The following NDFIP2 variants were observed in gnomAD, a reference collection of about 807,000 sequenced individuals.
The protein encoded by NDFIP2 is NEDD4 family-interacting protein 2.
A neutral mutation model predicts 36.0 loss-of-function variants in NDFIP2; 19 were observed. The ratio of observed to expected loss-of-function variants is 0.53; its 90% CI spans 0.37 to 0.77. The LOEUF is 0.77. Ranked by LOEUF, NDFIP2 falls within the 30% of genes least tolerant of loss-of-function variation. The probability of loss-of-function intolerance (pLI) is 0.00; values close to 1 mark genes in which losing one functional copy is unlikely to be tolerated. For missense variants in NDFIP2, 446 were observed against 435.8 expected (o/e 1.02, Z -0.21); for synonymous variants, 181 against 167.7 (o/e 1.08, Z -0.61).
chr13:79,541,158 T>C (rs1348090283), intron 4 of NDFIP2, among the ~76,000 whole-genome samples: 1 of 152,018 alleles, frequency 6.6e-6, no homozygotes, highest in South Asian at 2.1e-4. Flanking sequence ...GATCTAAATA[T>C]ATTGTATTAT....
At chr13:79,506,566 A>G (rs528118537) in intron 1 of NDFIP2, among the ~76,000 whole-genome samples, 26 of 152,172 alleles carry the variant, frequency 1.7e-4, no homozygotes, top group Middle Eastern at 3.4e-3. Flanking sequence ...TCCCTAGGGT[A>G]TAGTTTTAAA....
Position 79,550,205 on chromosome 13 carries a change from C to T in NDFIP2, c.908-812C>T, listed in dbSNP as rs538092285. Among the ~76,000 whole-genome samples, 244 of 151,792 alleles carry T rather than the reference C, an allele frequency of 1.6e-3. 1 individual carries two copies. Among genetic ancestry groups the T allele is most frequent in the African/African-American group, 5.6e-3 (234 of 41,496 alleles). On this transcript the variant is annotated intron_variant, in intron 6 of 7. Transcript: ENST00000218652. ...TGCTTAAGTATTTCAAAGGCTTATACTAGTAATGGTAATGTTTTATACTTA... is the reference window on the plus strand; with the variant it reads ...TGCTTAAGTATTTCAAAGGCTTATATTAGTAATGGTAATGTTTTATACTTA...
intron 1 of NDFIP2, among the ~76,000 whole-genome samples, chr13:79,491,422 GTC>G (rs72414954): frequency 0.043 from 6,504 of 152,114 alleles, 482 homozygotes; most frequent in African/African-American, 0.15. Flanking sequence ...GTCTTCCTCT[GTC>G]TCTCTCTCTG....
At chr13:79,512,912 T>C (rs1465586629) in intron 1 of NDFIP2, among the ~76,000 whole-genome samples, 1 of 152,224 alleles carries the variant, frequency 6.6e-6, no homozygotes, top group African/African-American at 2.4e-5. Flanking sequence ...AATTATGGTC[T>C]CCAAGCCACT....
chr13:79,512,462 A>AT (rs1874114671), intron 1 of NDFIP2, among the ~76,000 whole-genome samples: 1 of 151,990 alleles, frequency 6.6e-6, no homozygotes. Flanking sequence ...AAAAAAAAAA[A>AT]GGCTTTATTG....
chr13:79,543,088 G>A (rs1875524861), intron 4 of NDFIP2, among the ~76,000 whole-genome samples: 1 of 152,094 alleles, frequency 6.6e-6, no homozygotes, highest in African/African-American at 2.4e-5. Context: ...TGTTGGCCAG[G>A]CTGGTCTCGA....
chr13:79,520,636 A>G (rs898166154), intron 1 of NDFIP2, among the ~76,000 whole-genome samples, 174 bp from the exon 2 acceptor site: 12 of 152,240 alleles, frequency 7.9e-5, no homozygotes, highest in Non-Finnish European at 1.5e-4. Flanking sequence ...AGTCTTTACA[A>G]ATTGTTTTTT....
At chr13:79,546,139 C>T (rs2137115882) in intron 5 of NDFIP2, among the ~76,000 whole-genome samples, 1 of 152,286 alleles carries the variant, frequency 6.6e-6, no homozygotes, top group East Asian at 1.9e-4. Context: ...TACTATAATG[C>T]TCCAAGTAAA....
chr13:79,547,201 AATG>A (rs778013686), intron 5 of NDFIP2, among the ~76,000 whole-genome samples: 2 of 152,136 alleles, frequency 1.3e-5, no homozygotes, highest in Non-Finnish European at 2.9e-5. Flanking sequence ...ATGCTTACTA[AATG>A]ATAACATTAT....
intron 5 of NDFIP2, among the ~76,000 whole-genome samples, chr13:79,547,567 T>G (rs188789226): frequency 1.3e-5 from 2 of 152,268 alleles, no homozygotes; most frequent in African/African-American, 4.8e-5. Flanking sequence ...CCTTTTAAAA[T>G]TAATGAAGTG....
chr13:79,512,758 C>T (rs1458011798), intron 1 of NDFIP2, among the ~76,000 whole-genome samples: 1 of 152,132 alleles, frequency 6.6e-6, no homozygotes, highest in African/African-American at 2.4e-5. Context: ...AGAAATCAAG[C>T]TTTTTCTATT....
At chr13:79,487,566 A>C (rs1429819674) in intron 1 of NDFIP2, among the ~76,000 whole-genome samples, 2 of 152,144 alleles carry the variant, frequency 1.3e-5, no homozygotes, top group African/African-American at 4.8e-5. Context: ...CATGGGTGGA[A>C]TTACTGAGTA....
At position 79,481,417 on chromosome 13, in the gene NDFIP2, G is replaced by C; in HGVS notation, c.214G>C (p.Gly72Arg). The C allele has an allele frequency of 1.3e-6, 2 of 1,558,594 alleles. No individual in the cohort carries two copies. The highest frequency in any genetic ancestry group is 8.7e-7 in the Non-Finnish European group (1 of 1,150,924). The change falls in exon 1 of 8, where the codon GGG (glycine) becomes CGG (arginine). Residue 72 changes from glycine (G) to arginine (R), a missense_variant. By Grantham distance (125) the Gly-to-Arg change is moderately radical. Coordinates refer to ENST00000218652, the MANE Select transcript of NDFIP2 (RefSeq NM_019080.3). ...RGPAATTSST[G>R]VAVGAEHGED... ...CCCTGCGGCGACGACGTCGTCGACG[G>C]GGGTGGCCGTGGGAGCTGAGCACGG...
intron 1 of NDFIP2, among the ~76,000 whole-genome samples, chr13:79,510,073 A>G (rs932161286): frequency 1.3e-5 from 2 of 152,204 alleles, no homozygotes; most frequent in Non-Finnish European, 2.9e-5. Context: ...AGTATTAACT[A>G]TCACAGGAGT....
rs77088682 is a variant in NDFIP2, at chr13:79,523,869, C to G, written c.487+2894C>G. Among the ~76,000 whole-genome samples the G allele has an allele frequency of 6.0e-3, 915 of 152,188 alleles. 14 individuals are homozygous for G. Among genetic ancestry groups the G allele is most frequent in the African/African-American group, 0.02 (840 of 41,512 alleles). On this transcript the variant is annotated intron_variant, in intron 2 of 7. Coordinates refer to ENST00000218652, the MANE Select transcript of NDFIP2 (RefSeq NM_019080.3). ...CATCACGATGTCGATGAGTATGGAT[C>G]CTTGATAGTTGGAGGTTATTTTGCT...
At chr13:79,543,422 A>C in intron 4 of NDFIP2, 136 bp from the exon 5 acceptor site, 1 of 1,123,116 alleles carries the variant, frequency 8.9e-7, no homozygotes, top group Non-Finnish European at 1.3e-6. Context: ...GCTATAGTCT[A>C]TAAAGAAGGC....
At chr13:79,531,121 A>G (rs959615470) in intron 2 of NDFIP2, among the ~76,000 whole-genome samples, 1 of 152,204 alleles carries the variant, frequency 6.6e-6, no homozygotes, top group East Asian at 1.9e-4. Flanking sequence ...TGAAAACACC[A>G]TTAATCTTCT....
At chr13:79,507,682 G>A (rs1429391438) in intron 1 of NDFIP2, among the ~76,000 whole-genome samples, 5 of 151,830 alleles carry the variant, frequency 3.3e-5, no homozygotes, top group East Asian at 1.9e-4. Context: ...ATGTCTATTC[G>A]TGGAATACAA....
chr13:79,507,106 G>A (rs1455267540), intron 1 of NDFIP2, among the ~76,000 whole-genome samples: 20 of 151,912 alleles, frequency 1.3e-4, no homozygotes, highest in Admixed American at 1.3e-3. Flanking sequence ...ATTTTATGTT[G>A]TATTTTTGCT....
Sources: allele counts gnomAD v4.1 joint callset (sites outside exome capture counted in the v4.1 genomes callset), GRCh38; gene constraint gnomAD v4.1.1; transcripts MANE v1.5; gene names NCBI Gene and HGNC (gene_info 2026-07-23, HGNC 2026-07-21).